Variants in CTNNA2 observed in about 807,000 individuals in gnomAD.
CTNNA2 encodes the protein catenin alpha 2.
CTNNA2 carries 42 observed loss-of-function variants against 101.0 expected under a neutral mutation model. That is an observed-to-expected ratio of 0.42 (90% CI 0.32 to 0.54). The LOEUF (loss-of-function observed/expected upper bound fraction) is 0.54. Ranked by LOEUF, CTNNA2 falls within the 20% of genes least tolerant of loss-of-function variation. CTNNA2 has a pLI of 0.14. For missense variants in CTNNA2, 871 were observed against 1,223.1 expected (o/e 0.71, Z 4.29); for synonymous variants, 450 against 456.4 (o/e 0.99, Z 0.18).
chr2:79,652,592 T>A (rs1027702755), intron 2 of CTNNA2, among the ~76,000 whole-genome samples: 3 of 152,216 alleles, frequency 2.0e-5, no homozygotes, highest in East Asian at 3.9e-4. Context: ...TAAGGACCCT[T>A]GTGATTATGT....
At chr2:80,540,565 C>T (rs1467819293) in intron 9 of CTNNA2, among the ~76,000 whole-genome samples, 1 of 150,488 alleles carries the variant, frequency 6.6e-6, no homozygotes, top group East Asian at 2.0e-4. Context: ...CTGCTGCACT[C>T]CAGCCTGGGC....
chr2:80,442,386 C>T (rs929538267), intron 9 of CTNNA2, among the ~76,000 whole-genome samples: 4 of 152,202 alleles, frequency 2.6e-5, no homozygotes, highest in Admixed American at 6.5e-5. Flanking sequence ...CTGCCAGGAA[C>T]GCAGGACCAT....
chr2:80,442,582 C>A (rs1335921443), intron 9 of CTNNA2, among the ~76,000 whole-genome samples: 1 of 152,160 alleles, frequency 6.6e-6, no homozygotes, highest in Non-Finnish European at 1.5e-5. Context: ...AATGCCATGG[C>A]TTGAGCAAGA....
chr2:80,112,086 A>G (rs1573113730), intron 7 of CTNNA2, among the ~76,000 whole-genome samples: 1 of 152,230 alleles, frequency 6.6e-6, no homozygotes. Flanking sequence ...ATAACAAGAA[A>G]TAAATGTACA....
chr2:80,574,771 A>G (rs1191242644), intron 13 of CTNNA2, among the ~76,000 whole-genome samples: 2 of 152,206 alleles, frequency 1.3e-5, no homozygotes, highest in Non-Finnish European at 2.9e-5. Context: ...AAAATAATTC[A>G]GACATTATAA....
At chr2:80,377,173 A>G (rs142449101) in intron 7 of CTNNA2, among the ~76,000 whole-genome samples, 130 of 152,352 alleles carry the variant, frequency 8.5e-4, no homozygotes, top group African/African-American at 3.0e-3. Context: ...CAGATGCTCA[A>G]AGATTTCCAA....
At chr2:79,708,200 G>C (rs2104794874) in intron 2 of CTNNA2, among the ~76,000 whole-genome samples, 1 of 152,282 alleles carries the variant, frequency 6.6e-6, no homozygotes, top group East Asian at 1.9e-4. Context: ...GCTTATTTCA[G>C]TGTTTCACTC....
At chr2:80,147,602 A>G (rs1420894088) in intron 7 of CTNNA2, among the ~76,000 whole-genome samples, 2 of 152,146 alleles carry the variant, frequency 1.3e-5, no homozygotes, top group Non-Finnish European at 2.9e-5. Context: ...TTGAATCCCT[A>G]AATTTCAGCA....
At chr2:80,518,042 G>A (rs1296786215) in intron 9 of CTNNA2, among the ~76,000 whole-genome samples, 1 of 152,148 alleles carries the variant, frequency 6.6e-6, no homozygotes, top group Non-Finnish European at 1.5e-5. Flanking sequence ...CAAGACACCA[G>A]ACTTGCCATT....
upstream of CTNNA2, among the ~76,000 whole-genome samples, chr2:79,510,075 G>A (rs1671502612): frequency 6.6e-6 from 1 of 152,122 alleles, no homozygotes; most frequent in Non-Finnish European, 1.5e-5. Context: ...TTGGCTTGGA[G>A]TATCCTAAAA....
chr2:80,456,438 G>A (rs546708519), intron 9 of CTNNA2, among the ~76,000 whole-genome samples: 4 of 152,274 alleles, frequency 2.6e-5, no homozygotes, highest in Admixed American at 2.6e-4. Flanking sequence ...GTGGACTGGG[G>A]TGCTATTGGA....
At chr2:80,221,781 G>C (rs1387635095) in intron 7 of CTNNA2, among the ~76,000 whole-genome samples, 2 of 152,218 alleles carry the variant, frequency 1.3e-5, no homozygotes, top group Non-Finnish European at 2.9e-5. Flanking sequence ...GGATGAGGTG[G>C]TATTGGACAG....
intron 4 of CTNNA2, chr2:79,494,036 TCTAAA>T (rs1479837972): frequency 2.0e-5 from 3 of 151,930 alleles, no homozygotes; most frequent in Admixed American, 6.6e-5. Context: ...CAATGAACAA[TCTAAA>T]CTAAAAATGA....
intron 1 of CTNNA2, among the ~76,000 whole-genome samples, chr2:79,536,024 C>G (rs1673033172): frequency 6.6e-6 from 1 of 152,126 alleles, no homozygotes; most frequent in Non-Finnish European, 1.5e-5. Context: ...TACCCAAATT[C>G]TTGAAGGGAT....
At chr2:79,931,922 T>C (rs185034456) in intron 7 of CTNNA2, among the ~76,000 whole-genome samples, 235 of 152,328 alleles carry the variant, frequency 1.5e-3, no homozygotes, top group African/African-American at 5.3e-3. Flanking sequence ...CCAGTCTTAC[T>C]GCCCCAAATC....
intron 3 of CTNNA2, among the ~76,000 whole-genome samples, chr2:79,370,472 A>C (rs1677844991): frequency 6.6e-6 from 1 of 152,194 alleles, no homozygotes. Context: ...GCAATAGAAA[A>C]TCATTGGAAA....
At chr2:79,518,070 C>T (rs933452564) in intron 1 of CTNNA2, among the ~76,000 whole-genome samples, 15 of 152,086 alleles carry the variant, frequency 9.9e-5, no homozygotes, top group East Asian at 1.9e-4. Flanking sequence ...ATTTTTGCTG[C>T]GATGTCTACT....
chr2:80,420,051 A>C lies in CTNNA2; in HGVS notation c.1290+450A>C, dbSNP rs1043339311. ...GAACTTGTGAAAAAAAAAAAAAAAA[A>C]AAAAAAAAAAAACCCACCTTCCCCA... On this transcript the variant is annotated intron_variant, in intron 9 of 18. Coordinates refer to ENST00000402739, the MANE Select transcript of CTNNA2 (RefSeq NM_001282597.3). Among the ~76,000 whole-genome samples, 593 of 148,354 alleles carry C rather than the reference A, an allele frequency of 4.0e-3. 7 individuals are homozygous for C. The highest frequency in any genetic ancestry group is 0.015 in the African/African-American group (567 of 39,076).
At chr2:80,137,468 G>A (rs1466051738) in intron 7 of CTNNA2, among the ~76,000 whole-genome samples, 1 of 152,078 alleles carries the variant, frequency 6.6e-6, no homozygotes, top group Non-Finnish European at 1.5e-5. Flanking sequence ...AATTAGCAAG[G>A]CAATTTAAAA....
Sources: gnomAD v4.1 joint callset for allele counts (sites outside exome capture counted in the v4.1 genomes callset) on GRCh38, gnomAD v4.1.1 for gene constraint, MANE v1.5 for transcripts, NCBI Gene and HGNC (gene_info 2026-07-23, HGNC 2026-07-21) for gene names.